The following FAM107B variants were observed in gnomAD, a reference collection of about 807,000 sequenced individuals.
FAM107B encodes the protein protein FAM107B.
A neutral mutation model predicts 31.5 loss-of-function variants in FAM107B; 21 were observed. The observed-to-expected ratio is 0.67, with a 90% confidence interval of 0.47 to 0.96. FAM107B has a LOEUF of 0.96. Ranked by LOEUF, FAM107B falls within the 40% of genes least tolerant of loss-of-function variation. FAM107B has a pLI of 0.00. For synonymous variants in FAM107B, 157 were observed against 141.5 expected, an observed-to-expected ratio of 1.11 and a Z score of -0.78; for missense variants, 452 against 377.1, an observed-to-expected ratio of 1.20 and a Z score of -1.64.
Position 14,529,833 on chromosome 10 carries a change from T to G in FAM107B, c.653+499A>C, listed in dbSNP as rs1846746645. The G allele has an allele frequency of 2.0e-5, 3 of 152,568 alleles. No individual in the cohort carries two copies. In the South Asian group the frequency reaches 6.2e-4, roughly 32 times the overall value. The allele number at this position is 152,568 out of a possible 1,614,324, so 9.5% of individuals were successfully genotyped here. A position where few individuals can be genotyped will look rare whatever the true frequency, so the allele number is the denominator to read the frequency against. On this transcript the variant is annotated intron_variant, in intron 3 of 4. Transcript: ENST00000181796. ...AATAATAAAGACTATGATAATAATC[T>G]TTTAAAATGCTACCCCCAAACAAAC...
chr10:14,631,448 CT>C (rs981034067), intron 2 of FAM107B, among the ~76,000 whole-genome samples: 23 of 152,320 alleles, frequency 1.5e-4, no homozygotes, highest in African/African-American at 5.5e-4. Context: ...TACAGCACAA[CT>C]TTTAGAATCC....
chr10:14,688,152 T>C (rs1855035582), intron 1 of FAM107B, among the ~76,000 whole-genome samples: 1 of 152,196 alleles, frequency 6.6e-6, no homozygotes, highest in African/African-American at 2.4e-5. Context: ...GCTGGATGCT[T>C]CCTGCCCTTG....
At chr10:14,773,287 T>A (rs896330993) in intron 1 of FAM107B, among the ~76,000 whole-genome samples, 1 of 152,232 alleles carries the variant, frequency 6.6e-6, no homozygotes, top group Non-Finnish European at 1.5e-5. Context: ...TTGGCTGTGT[T>A]CTTGCTAAGG....
chr10:14,751,273 G>A (rs146998540), intron 1 of FAM107B, among the ~76,000 whole-genome samples: 8 of 152,312 alleles, frequency 5.3e-5, no homozygotes, highest in African/African-American at 1.7e-4. Flanking sequence ...ACGAGAGGAC[G>A]TTTTGGGAAA....
chr10:14,742,338 G>A (rs187484546), intron 1 of FAM107B, among the ~76,000 whole-genome samples: 9 of 148,438 alleles, frequency 6.1e-5, no homozygotes, highest in African/African-American at 9.9e-5. Flanking sequence ...GGCTGGTGTC[G>A]AACTTCTGGT....
At chr10:14,579,222 A>C (rs1210997602) in intron 2 of FAM107B, among the ~76,000 whole-genome samples, 1 of 152,248 alleles carries the variant, frequency 6.6e-6, no homozygotes. Context: ...AAGCTTCTCC[A>C]AAGAAGGGTC....
At chr10:14,685,136 CCTTTTA>C (rs1854947958) in intron 1 of FAM107B, among the ~76,000 whole-genome samples, 1 of 129,496 alleles carries the variant, frequency 7.7e-6, no homozygotes, top group Non-Finnish European at 1.6e-5. Context: ...CCAATAACAT[CCTTTTA>C]TTTTTTTTTT....
chr10:14,708,340 C>A (rs1413016821), intron 1 of FAM107B, among the ~76,000 whole-genome samples: 1 of 152,102 alleles, frequency 6.6e-6, no homozygotes, highest in Non-Finnish European at 1.5e-5. Context: ...TGGGGCCTCT[C>A]TAAGTGCTGA....
chr10:14,532,596 G>A (rs1847137209), intron 2 of FAM107B: 1 of 152,054 alleles, frequency 6.6e-6, no homozygotes, highest in Admixed American at 6.6e-5. Flanking sequence ...CCTCGCAGAG[G>A]GTGACTCAGG....
chr10:14,612,281 C>T (rs1852744718), intron 2 of FAM107B, among the ~76,000 whole-genome samples: 1 of 152,102 alleles, frequency 6.6e-6, no homozygotes, highest in African/African-American at 2.4e-5. Context: ...TTAACATGAA[C>T]TAAAATCCTA....
chr10:14,677,337 C>T (rs1854707102), intron 1 of FAM107B, among the ~76,000 whole-genome samples: 2 of 152,172 alleles, frequency 1.3e-5, no homozygotes, highest in Admixed American at 1.3e-4. Context: ...GCTACAGATA[C>T]CTGGCCGGGC....
At chr10:14,763,950 T>C (rs1250480144) in intron 1 of FAM107B, among the ~76,000 whole-genome samples, 1 of 152,244 alleles carries the variant, frequency 6.6e-6, no homozygotes, top group Admixed American at 6.5e-5. Context: ...GGCCTCTGTG[T>C]CTATGATTTT....
intron 2 of FAM107B, among the ~76,000 whole-genome samples, chr10:14,611,716 T>A (rs919485369): frequency 4.0e-5 from 6 of 151,780 alleles, no homozygotes; most frequent in African/African-American, 1.2e-4. Flanking sequence ...CACGGCTGCA[T>A]TCTCTGCTGA....
At chr10:14,547,747 G>GA (rs1848831534) in intron 2 of FAM107B, among the ~76,000 whole-genome samples, 1 of 152,084 alleles carries the variant, frequency 6.6e-6, no homozygotes, top group Non-Finnish European at 1.5e-5. Context: ...CTCTTAAAAA[G>GA]AAAAAAGAGA....
At chr10:14,755,987 T>A (rs1414516039) in intron 1 of FAM107B, among the ~76,000 whole-genome samples, 1 of 152,240 alleles carries the variant, frequency 6.6e-6, no homozygotes, top group African/African-American at 2.4e-5. Context: ...TTTGTTTATG[T>A]GTCTGACTGT....
At chr10:14,601,775 A>G (rs183409485) in intron 2 of FAM107B, among the ~76,000 whole-genome samples, 1 of 152,370 alleles carries the variant, frequency 6.6e-6, no homozygotes, top group Admixed American at 6.5e-5. Flanking sequence ...TAAGTTAGGA[A>G]TAACATTAAG....
chr10:14,686,873 C>A (rs1353314967), intron 1 of FAM107B, among the ~76,000 whole-genome samples: 2 of 152,222 alleles, frequency 1.3e-5, no homozygotes, highest in Non-Finnish European at 2.9e-5. Flanking sequence ...CTCTCCTGGG[C>A]CCCACCAATG....
At chr10:14,717,457 G>A (rs764316259) in intron 1 of FAM107B, among the ~76,000 whole-genome samples, 11 of 152,156 alleles carry the variant, frequency 7.2e-5, no homozygotes, top group African/African-American at 1.2e-4. Flanking sequence ...CCAGGGAAGC[G>A]GACAGTGCAG....
intron 2 of FAM107B, among the ~76,000 whole-genome samples, chr10:14,599,113 T>C (rs969855762): frequency 6.6e-6 from 1 of 152,232 alleles, no homozygotes; most frequent in Non-Finnish European, 1.5e-5. Context: ...TCTAACCTCA[T>C]GCACCTAAAC....
Sources: gnomAD v4.1 joint callset for allele counts (sites outside exome capture counted in the v4.1 genomes callset) on GRCh38, gnomAD v4.1.1 for gene constraint, MANE v1.5 for transcripts, NCBI Gene and HGNC (gene_info 2026-07-23, HGNC 2026-07-21) for gene names.